The following FN1 variants were observed in gnomAD, a reference collection of about 807,000 sequenced individuals.
The protein encoded by FN1 is fibronectin.
In FN1, 106 loss-of-function variants were observed where a neutral mutation model predicts 297.3. That is an observed-to-expected ratio of 0.36 (90% confidence interval 0.30 to 0.42). The LOEUF is 0.42. FN1 is among the 10% of genes least tolerant of loss of function. The pLI is 1.00. For synonymous variants in FN1, 1,149 were observed against 1,152.6 expected, an observed-to-expected ratio of 1.00 and a Z score of 0.06; for missense variants, 2,690 against 3,124.9, an observed-to-expected ratio of 0.86 and a Z score of 3.32.
At position 215,407,332 on chromosome 2, in the gene FN1, A is replaced by G; in HGVS notation, c.2519-11T>C. Reference sequence around the variant, plus strand: ...AGACTATTCTGTACCCTGCAGATTCATGAGCAAAAGTAAGATGCACTGTTT... The same window carrying G: ...AGACTATTCTGTACCCTGCAGATTCGTGAGCAAAAGTAAGATGCACTGTTT... On this transcript the variant is annotated splice_polypyrimidine_tract_variant and intron_variant, in intron 17 of 45. Transcript: ENST00000354785. 1 of 1,612,322 alleles carries G rather than the reference A, an allele frequency of 6.2e-7. No individual in the cohort carries two copies. The highest frequency in any genetic ancestry group is 8.5e-7 in the Non-Finnish European group (1 of 1,178,334).
chr2:215,361,587 C>T lies in FN1; in HGVS notation c.7402G>A (p.Val2468Ile), dbSNP rs149294265. The T allele has an allele frequency of 1.8e-5, 29 of 1,611,806 alleles. No homozygotes were observed. Among genetic ancestry groups the T allele is most frequent in the East Asian group, 4.5e-5 (2 of 44,848 alleles). ...CGGGAATCTTCTCTGTCAGCCTGTA[C>T]ATCTAAAGGCATGAAGCACTCAATT... ...CPIECFMPLDVQADREDSRE is the reference protein window; with the variant it reads ...CPIECFMPLDIQADREDSRE Residue 2468 changes from valine to isoleucine, a missense_variant, in exon 46 of 46, where the codon GTA (valine) becomes ATA (isoleucine). This residue lies in a region of FN1 where 1,743 missense variants were observed against 1,945.2 expected (regional missense o/e 0.90). Transcript: ENST00000354785.
intron 15 of FN1, 72 bp downstream of exon 15, chr2:215,409,491 G>A: frequency 6.9e-7 from 1 of 1,452,398 alleles, no homozygotes; most frequent in Non-Finnish European, 9.7e-7. Context: ...CTGCCTAGAG[G>A]CCACCCACCC....
chr2:215,427,157 G>C (rs1017439847), intron 6 of FN1, among the ~76,000 whole-genome samples: 1 of 152,150 alleles, frequency 6.6e-6, no homozygotes, highest in Non-Finnish European at 1.5e-5. Flanking sequence ...TTACAGGCGT[G>C]AGCCACCGCG....
rs774030542 is a variant in FN1 at position 215,420,674 on chromosome 2, G to A, written c.1674C>T (p.Val558=). 6.2e-6 allele frequency: 10 copies of A among 1,614,038 alleles called. 1 individual carries two copies. The highest frequency in any genetic ancestry group is 2.2e-5 in the South Asian group (2 of 91,068). Reference sequence around the variant, plus strand: ...ATCTAGGGAAATAGGGCTACTCACCGACGGGATCACACTTCCACCTGCCCC... The same window carrying A: ...ATCTAGGGAAATAGGGCTACTCACCAACGGGATCACACTTCCACCTGCCCC... The part of the protein sequence containing the change: ...QGRGRWKCDP[V]DQCQDSETGT... Residue 558 remains valine (V), a splice_region_variant and synonymous_variant, in exon 11 of 46, where the codon GTC becomes GTT. Transcript: ENST00000354785.
chr2:215,379,455 G>C (rs1417235177), intron 33 of FN1, 138 bp from the exon 34 acceptor site: 21 of 597,578 alleles, frequency 3.5e-5, no homozygotes, highest in Non-Finnish European at 3.9e-5. Context: ...TTCAGTACAA[G>C]AAAGTACGTA....
In FN1 at chr2:215,406,506, T is replaced by C. The variant is rs1410847311; in HGVS notation, c.2718A>G (p.Thr906=). Residue 906 remains threonine, a synonymous_variant, in exon 19 of 46, where the codon ACA becomes ACG. Transcript: ENST00000354785. ...ACTGCAGGTCCCTGGGAGAGGGCAC[T>C]GTATCTGACAGACAAGAGTCAACTG... ...QETTGTPRSD[T]VPSPRDLQFV... 13 of 1,613,862 alleles carry C rather than the reference T, an allele frequency of 8.1e-6. No homozygotes were observed. Among genetic ancestry groups the C allele is most frequent in the Non-Finnish European group, 1.1e-5 (13 of 1,179,970 alleles).
chr2:215,427,218 TAATAA>T (rs1181486280), intron 6 of FN1, among the ~76,000 whole-genome samples: 1 of 152,172 alleles, frequency 6.6e-6, no homozygotes, highest in African/African-American at 2.4e-5. Context: ...TTATTAATGA[TAATAA>T]AATAACTCAA....
rs188987104 is a variant in FN1, at chr2:215,366,697, A to C, written c.7019-1067T>G. ...AGCCTGCCTTAAGCTACAAAGTAAAATAATTAGACAACTGTGATATCAAAA... is the reference window on the plus strand; with the variant it reads ...AGCCTGCCTTAAGCTACAAAGTAAACTAATTAGACAACTGTGATATCAAAA... On this transcript the variant is annotated intron_variant, in intron 42 of 45. Transcript: ENST00000354785. Among the ~76,000 whole-genome samples, 466 of 152,354 alleles carry C rather than the reference A, an allele frequency of 3.1e-3. 5 individuals are homozygous for C. The highest frequency in any genetic ancestry group is 0.013 in the South Asian group (64 of 4,828).
At chr2:215,391,060 AT>A (rs1246234117) in intron 26 of FN1, among the ~76,000 whole-genome samples, 3 of 152,160 alleles carry the variant, frequency 2.0e-5, no homozygotes, top group African/African-American at 7.2e-5. Flanking sequence ...AATTGTTGTT[AT>A]TTATTTAATG....
At chr2:215,432,712 A>T (rs1396669561) in intron 3 of FN1, among the ~76,000 whole-genome samples, 1 of 152,232 alleles carries the variant, frequency 6.6e-6, no homozygotes, top group Non-Finnish European at 1.5e-5. Flanking sequence ...TACTGGAAAG[A>T]GTGCCTTAGC....
In FN1 at chr2:215,430,847, T is replaced by G. The variant is rs1159335141; in HGVS notation, c.553A>C (p.Lys185Gln). The change falls in exon 5 of 46, where the codon AAG (lysine) becomes CAG (glutamine). Residue 185 changes from lysine to glutamine, a missense_variant. Coordinates refer to ENST00000354785, the MANE Select transcript of FN1 (RefSeq NM_212482.4). ...GEWTCKPIAE[K>Q]CFDHAAGTSY... ...GTCCCAGCAGCATGATCAAAACACT[T>G]CTCAGCTGTAGGGAAATTTGGAAGA... The G allele has an allele frequency of 6.2e-7, 1 of 1,613,936 alleles. No individual in the cohort carries two copies. The highest frequency in any genetic ancestry group is 1.1e-5 in the South Asian group (1 of 91,046).
intron 20 of FN1, among the ~76,000 whole-genome samples, chr2:215,401,319 AAGAG>A (rs1438993326): frequency 1.3e-5 from 2 of 151,616 alleles, no homozygotes; most frequent in Middle Eastern, 3.4e-3. Context: ...GAAGGAAGGA[AAGAG>A]AAAGAAAGAA....
At chr2:215,430,687 A>C in intron 5 of FN1, 28 bp downstream of exon 5, 7 of 1,613,288 alleles carry the variant, frequency 4.3e-6, no homozygotes, top group Admixed American at 1.7e-5. Flanking sequence ...ACCTGGCTTA[A>C]TCTTTAACAT....
At chr2:215,376,794 G>A (rs1295083758) in intron 35 of FN1, 120 bp from the exon 36 acceptor site, 1 of 810,674 alleles carries the variant, frequency 1.2e-6, no homozygotes. Flanking sequence ...TATATAACTA[G>A]TAATGTGTAG....
Position 215,424,009 on chromosome 2 carries a change from G to A in FN1, c.1216+137C>T, listed in dbSNP as rs770992927. 261 of 860,400 alleles carry A rather than the reference G, an allele frequency of 3.0e-4. 1 individual carries two copies. Among genetic ancestry groups the A allele is most frequent in the Non-Finnish European group, 4.0e-4 (202 of 509,990 alleles). 53.3% of individuals were successfully genotyped at this position (860,400 alleles called of 1,614,324 possible). A position where few individuals can be genotyped will look rare whatever the true frequency, so the allele number is the denominator to read the frequency against. On this transcript the variant is annotated intron_variant, in intron 8 of 45. Coordinates refer to ENST00000354785, the MANE Select transcript of FN1 (RefSeq NM_212482.4). ...TCCTCAGCTGTTACGTGAGCGCTGC[G>A]ATCTCTTGAGTCCAAACTGAACAAA...
At chr2:215,362,619 T>A (rs959430929) in intron 44 of FN1, 1 of 159,282 alleles carries the variant, frequency 6.3e-6, no homozygotes, top group African/African-American at 2.4e-5. Flanking sequence ...TGCACCACTT[T>A]GCCACTCTCT....
intron 26 of FN1, among the ~76,000 whole-genome samples, chr2:215,388,543 G>A (rs1433499365): frequency 1.3e-5 from 2 of 152,210 alleles, no homozygotes; most frequent in Non-Finnish European, 2.9e-5. Flanking sequence ...ACCTGTGAGT[G>A]TGACTCAGCT....
chr2:215,415,059 C>T (rs1048636775), intron 12 of FN1, 101 bp from the exon 13 acceptor site: 5 of 868,348 alleles, frequency 5.8e-6, no homozygotes, highest in South Asian at 4.4e-5. Context: ...CTTTGCTTGT[C>T]GTTAAATGTG....
rs138522820 is a variant in FN1 at position 215,406,374 on chromosome 2, G to C, written c.2850C>G (p.His950Gln). Residue 950 changes from histidine to glutamine, a missense_variant, in exon 19 of 46, where the codon CAC becomes CAG. His to Gln is a conservative substitution (Grantham distance 24). Coordinates refer to ENST00000354785, the MANE Select transcript of FN1 (RefSeq NM_212482.4). ...DVIPVNLPGEHGQRLPISRNT... is the reference protein window; with the variant it reads ...DVIPVNLPGEQGQRLPISRNT... ...TCCTGCTGATGGGCAGCCTCTGCCCGTGCTCGCCAGGCAGGTTGACGGGGA... is the reference window on the plus strand; with the variant it reads ...TCCTGCTGATGGGCAGCCTCTGCCCCTGCTCGCCAGGCAGGTTGACGGGGA... 1.9e-6 allele frequency: 3 copies of C among 1,614,056 alleles called. No homozygotes were observed. The highest frequency in any genetic ancestry group is 1.1e-5 in the South Asian group (1 of 91,076).
Sources: allele counts gnomAD v4.1 joint callset (sites outside exome capture counted in the v4.1 genomes callset), GRCh38; gene constraint gnomAD v4.1.1; regional missense constraint gnomAD v4.1.1; transcripts MANE v1.5; gene names NCBI Gene and HGNC (gene_info 2026-07-23, HGNC 2026-07-21).